Variants in NAALADL2 observed in about 807,000 individuals in gnomAD.
NAALADL2 encodes inactive N-acetylated-alpha-linked acidic dipeptidase-like protein 2.
In NAALADL2, 76 loss-of-function variants were observed where a neutral mutation model predicts 87.2. The observed-to-expected ratio is 0.87, with a 90% CI of 0.72 to 1.05. The LOEUF (loss-of-function observed/expected upper bound fraction) is 1.05. NAALADL2 is among the 50% of genes least tolerant of loss of function. NAALADL2 has a pLI of 0.00. For synonymous variants in NAALADL2, 354 were observed against 331.0 expected, an observed-to-expected ratio of 1.07 and a Z score of -0.75; for missense variants, 1,089 against 945.8, an observed-to-expected ratio of 1.15 and a Z score of -1.99.
intron 5 of NAALADL2, among the ~76,000 whole-genome samples, chr3:175,416,564 T>G (rs1703423315): frequency 6.6e-6 from 1 of 152,142 alleles, no homozygotes; most frequent in Non-Finnish European, 1.5e-5. Context: ...AATGACAAGA[T>G]CACTGATGTT....
chr3:175,770,978 A>C (rs1749405901), intron 13 of NAALADL2, among the ~76,000 whole-genome samples: 1 of 152,194 alleles, frequency 6.6e-6, no homozygotes, highest in Admixed American at 6.5e-5. Context: ...CTGATTCATA[A>C]TGCCATCTTT....
chr3:174,663,129 A>T (rs1352009806), intron 2 of NAALADL2, among the ~76,000 whole-genome samples: 3 of 152,190 alleles, frequency 2.0e-5, no homozygotes, highest in Non-Finnish European at 4.4e-5. Flanking sequence ...TAAAAACATA[A>T]ATTTACTTGA....
intron 2 of NAALADL2, among the ~76,000 whole-genome samples, chr3:174,668,563 C>T (rs1726199734): frequency 6.6e-6 from 1 of 151,998 alleles, no homozygotes; most frequent in African/African-American, 2.4e-5. Flanking sequence ...AAATGCTATC[C>T]CTCCCCTCTC....
At chr3:175,054,157 A>C (rs760623230) in intron 1 of NAALADL2, among the ~76,000 whole-genome samples, 1 of 152,240 alleles carries the variant, frequency 6.6e-6, no homozygotes, top group East Asian at 1.9e-4. Context: ...AATTACAGCT[A>C]CAAGCTCCGC....
intron 1 of NAALADL2, among the ~76,000 whole-genome samples, chr3:174,456,524 T>C (rs1321741535): frequency 6.9e-6 from 1 of 145,598 alleles, no homozygotes; most frequent in Non-Finnish European, 1.5e-5. Flanking sequence ...CCCAGACACA[T>C]AGACTGATGG....
At chr3:174,457,642 G>C (rs1350783551) in intron 1 of NAALADL2, among the ~76,000 whole-genome samples, 1 of 152,082 alleles carries the variant, frequency 6.6e-6, no homozygotes, top group East Asian at 1.9e-4. Flanking sequence ...TGGCCAATGT[G>C]GTGAAACCCA....
At chr3:175,644,137 T>C (rs950101340) in intron 11 of NAALADL2, among the ~76,000 whole-genome samples, 6 of 152,146 alleles carry the variant, frequency 3.9e-5, no homozygotes, top group Non-Finnish European at 8.8e-5. Flanking sequence ...TTGCCAAATT[T>C]TGTGGGATTT....
At chr3:175,122,983 TATAAGGAACCCATTCCTATG>T (rs1033950631) in intron 2 of NAALADL2, among the ~76,000 whole-genome samples, 10 of 151,908 alleles carry the variant, frequency 6.6e-5, no homozygotes, top group Non-Finnish European at 1.0e-4. Context: ...CTCATCTTTT[TATAAGGAACCCATTCCTATG>T]ATAATGAACC....
intron 3 of NAALADL2, among the ~76,000 whole-genome samples, chr3:174,788,042 A>G (rs957215029): frequency 7.2e-5 from 11 of 152,124 alleles, no homozygotes; most frequent in Non-Finnish European, 1.5e-4. Flanking sequence ...GTTGAAAGGC[A>G]CGTATGGATA....
chr3:175,515,091 C>T (rs1345999289), intron 9 of NAALADL2, among the ~76,000 whole-genome samples: 1 of 152,192 alleles, frequency 6.6e-6, no homozygotes, highest in Non-Finnish European at 1.5e-5. Flanking sequence ...TCTTGTAGAA[C>T]TATCAAAGGA....
At position 175,803,472 on chromosome 3, in the gene NAALADL2, A is replaced by C. The variant is rs558179556; in HGVS notation, c.*269A>C. 2 of 231,472 alleles carry C rather than the reference A, an allele frequency of 8.6e-6. No homozygotes were observed. Among genetic ancestry groups the C allele is most frequent in the East Asian group, 1.8e-4 (2 of 11,002 alleles). 14.3% of individuals were successfully genotyped at this position (231,472 alleles called of 1,614,324 possible). A position where few individuals can be genotyped will look rare whatever the true frequency, so the allele number is the denominator to read the frequency against. ...CTATTAAAAAGAAATCTGATATATA[A>C]AAATATGTACTATTTTAAGGAAAAA... is the stretch of plus-strand genomic sequence containing the variant. On this transcript the variant is annotated 3_prime_UTR_variant, in exon 14 of 14. Coordinates refer to ENST00000454872, the MANE Select transcript of NAALADL2 (RefSeq NM_207015.3).
At chr3:175,235,409 C>T (rs1333731087) in intron 3 of NAALADL2, 2 of 152,034 alleles carry the variant, frequency 1.3e-5, no homozygotes, top group Admixed American at 1.3e-4. Context: ...AATTAAACTT[C>T]AATATAATAT....
chr3:174,908,783 A>G (rs577430819), intron 1 of NAALADL2, among the ~76,000 whole-genome samples: 3 of 152,282 alleles, frequency 2.0e-5, no homozygotes, highest in African/African-American at 7.2e-5. Context: ...AGAATTAAAA[A>G]TTGATGTTTG....
At chr3:174,802,679 G>C (rs1163405036) in intron 3 of NAALADL2, among the ~76,000 whole-genome samples, 1 of 152,108 alleles carries the variant, frequency 6.6e-6, no homozygotes, top group South Asian at 2.1e-4. Flanking sequence ...TCCTTGCCCT[G>C]TGTCTATGTG....
intron 1 of NAALADL2, among the ~76,000 whole-genome samples, chr3:174,881,361 T>C (rs1253739788): frequency 2.0e-5 from 3 of 152,112 alleles, no homozygotes; most frequent in East Asian, 1.9e-4. Flanking sequence ...TTTCAGGTTT[T>C]AGGAAGATTA....
intron 2 of NAALADL2, among the ~76,000 whole-genome samples, chr3:175,195,283 C>T (rs1738808562): frequency 1.3e-5 from 2 of 151,644 alleles, no homozygotes; most frequent in Admixed American, 1.3e-4. Context: ...ATAGAACAAT[C>T]CCCTGATTTT....
At chr3:174,616,083 C>T (rs1049124560) in intron 2 of NAALADL2, among the ~76,000 whole-genome samples, 1 of 151,828 alleles carries the variant, frequency 6.6e-6, no homozygotes, top group Non-Finnish European at 1.5e-5. Context: ...GAAAGAGTAC[C>T]TAATTTGCCC....
At chr3:175,171,820 C>T (rs1254872472) in intron 2 of NAALADL2, among the ~76,000 whole-genome samples, 2 of 152,020 alleles carry the variant, frequency 1.3e-5, no homozygotes, top group African/African-American at 4.8e-5. Context: ...AGACAAATTT[C>T]CCATGTTCTT....
chr3:174,882,750 C>T (rs565693418), intron 1 of NAALADL2, among the ~76,000 whole-genome samples: 1 of 138,082 alleles, frequency 7.2e-6, no homozygotes, highest in Admixed American at 7.3e-5. Flanking sequence ...TGTATATACA[C>T]ACGTGTATAT....
Sources: allele counts gnomAD v4.1 joint callset (sites outside exome capture counted in the v4.1 genomes callset), GRCh38; gene constraint gnomAD v4.1.1; transcripts MANE v1.5; gene names NCBI Gene and HGNC (gene_info 2026-07-23, HGNC 2026-07-21).